Variants in TPP2 observed in about 807,000 individuals in gnomAD.
TPP2 encodes the protein tripeptidyl-peptidase 2.
In TPP2, 34 loss-of-function variants were observed where a neutral mutation model predicts 155.9. That is an observed-to-expected ratio of 0.22 (90% CI 0.17 to 0.29). TPP2 has a LOEUF of 0.29. Among genes scored for constraint, TPP2 ranks in the 10% least tolerant of loss-of-function variants. TPP2 has a pLI of 1.00. For synonymous variants in TPP2, 510 were observed against 529.4 expected, an observed-to-expected ratio of 0.96 and a Z score of 0.50; for missense variants, 1,028 against 1,522.3, an observed-to-expected ratio of 0.68 and a Z score of 5.40.
intron 24 of TPP2, among the ~76,000 whole-genome samples, chr13:102,654,439 C>CT (rs1445261101): frequency 6.6e-6 from 1 of 152,048 alleles, no homozygotes; most frequent in Non-Finnish European, 1.5e-5. Flanking sequence ...ACTAGGATAT[C>CT]TTTTTTCCCA....
At chr13:102,651,506 C>T in intron 24 of TPP2, 109 bp downstream of exon 24, 1 of 1,163,530 alleles carries the variant, frequency 8.6e-7, no homozygotes, top group Non-Finnish European at 1.2e-6. Flanking sequence ...CCTTAGTTTC[C>T]TTTCTTTGCA....
intron 2 of TPP2, among the ~76,000 whole-genome samples, chr13:102,612,727 A>G (rs1203496082): frequency 6.6e-6 from 1 of 152,218 alleles, no homozygotes; most frequent in East Asian, 1.9e-4. Flanking sequence ...ATCTGGTTCC[A>G]TGGACCGTGC....
At chr13:102,634,597 G>A (rs532883435) in intron 11 of TPP2, among the ~76,000 whole-genome samples, 8 of 152,038 alleles carry the variant, frequency 5.3e-5, no homozygotes, top group East Asian at 3.9e-4. Context: ...CCTCAGAAAC[G>A]TCCCTCTTTA....
chr13:102,604,802 G>A lies in TPP2; in HGVS notation c.175G>A (p.Asp59Asn), dbSNP rs1385065437. Residue 59 changes from aspartate (D) to asparagine (N), a missense_variant, in exon 2 of 30, where the codon GAT becomes AAT. Asp to Asn is a conservative substitution (Grantham distance 23). Transcript: ENST00000376052. ...PGAPGMQVTT[D>N]GKPKIVDIID... ...TTTTCTTAATTTTCAGGTTACAACT[G>A]ATGGAAAACCAAAAATCGTTGATAT... The A allele has an allele frequency of 6.2e-7, 1 of 1,610,230 alleles. No individual in the cohort carries two copies. The highest frequency in any genetic ancestry group is 1.3e-5 in the African/African-American group (1 of 74,618).
intron 1 of TPP2, among the ~76,000 whole-genome samples, chr13:102,598,508 T>C (rs763839401): frequency 1.3e-5 from 2 of 152,210 alleles, no homozygotes; most frequent in Non-Finnish European, 2.9e-5. Flanking sequence ...AGGTACTGAA[T>C]TCCCTCCCGG....
rs3831119 is a variant in TPP2 at position 102,643,201 on chromosome 13, CTTCT to C, written c.2021-11_2021-8del. 0.47 allele frequency: 743,233 copies of C among 1,567,408 alleles called. 178,214 individuals carry two copies. The highest frequency in any genetic ancestry group is 0.6 in the African/African-American group (43,144 of 71,986). ...TAGGTCTTATAAGTTTAAAGCTTTG[CTTCT>C]TTCTTTCTTATTTTAGAAGTGACAG... is the stretch of plus-strand genomic sequence containing the variant. On this transcript the variant is annotated splice_polypyrimidine_tract_variant and intron_variant, in intron 16 of 29. Transcript: ENST00000376052.
chr13:102,650,314 G>C (rs540776774), intron 23 of TPP2, among the ~76,000 whole-genome samples: 1 of 152,084 alleles, frequency 6.6e-6, no homozygotes, highest in Non-Finnish European at 1.5e-5. Context: ...CATAAATGCT[G>C]TTATCAAAAT....
At chr13:102,651,296 G>T (rs541892600) in intron 23 of TPP2, 63 bp from the exon 24 acceptor site, 3 of 1,512,076 alleles carry the variant, frequency 2.0e-6, no homozygotes, top group South Asian at 2.5e-5. Context: ...TTAGACAGAG[G>T]TTCTGTCTCC....
chr13:102,646,271 G>C, intron 19 of TPP2, 23 bp from the exon 20 acceptor site: 1 of 1,589,094 alleles, frequency 6.3e-7, no homozygotes, highest in Non-Finnish European at 8.6e-7. Context: ...AATCAAACCA[G>C]TTATGTAGTT....
Position 102,664,813 on chromosome 13 carries a change from A to C in TPP2, c.3259A>C (p.Asn1087His). ...DAEKERMKRL[N>H]EIVDAANAVI... ...TCTCCAGGAACGAATGAAAAGACTT[A>C]ATGAAATTGTTGATGCGGCAAATGC... Residue 1087 changes from asparagine (N) to histidine (H), a missense_variant, in exon 27 of 30, where the codon AAT (asparagine) becomes CAT (histidine). By Grantham distance (68) the Asn-to-His change is moderately conservative (BLOSUM62 1). Coordinates refer to ENST00000376052, the MANE Select transcript of TPP2 (RefSeq NM_001330588.2). The C allele has an allele frequency of 2.5e-6, 4 of 1,613,298 alleles. No individual in the cohort carries two copies. Among genetic ancestry groups the C allele is most frequent in the Middle Eastern group, 1.7e-4 (1 of 6,054 alleles).
chr13:102,602,909 G>GT (rs1249060346), intron 1 of TPP2, among the ~76,000 whole-genome samples: 3 of 150,684 alleles, frequency 2.0e-5, no homozygotes, highest in African/African-American at 2.4e-5. Flanking sequence ...TTGTTTTTTT[G>GT]TTTTTTTGTT....
intron 27 of TPP2, among the ~76,000 whole-genome samples, chr13:102,671,446 A>G (rs1884977414): frequency 1.3e-5 from 2 of 152,206 alleles, no homozygotes; most frequent in African/African-American, 4.8e-5. Flanking sequence ...TACCTAAATA[A>G]GATTTTGAGA....
intron 21 of TPP2, among the ~76,000 whole-genome samples, chr13:102,647,944 CAAAT>C (rs1027250349): frequency 7.9e-5 from 12 of 152,020 alleles, no homozygotes; most frequent in African/African-American, 2.9e-4. Flanking sequence ...TTTATGTTGA[CAAAT>C]GAAAATAATT....
chr13:102,630,346 CAG>C (rs1881938430), intron 10 of TPP2, 151 bp downstream of exon 10: 1 of 544,544 alleles, frequency 1.8e-6, no homozygotes, highest in African/African-American at 1.9e-5. Flanking sequence ...AGTCTCATCT[CAG>C]GGACAGATAA....
intron 16 of TPP2, 108 bp downstream of exon 16, chr13:102,640,484 T>C (rs931018206): frequency 1.2e-6 from 1 of 843,076 alleles, no homozygotes; most frequent in Non-Finnish European, 1.9e-6. Flanking sequence ...GGTACTAATA[T>C]ATGTATTTGG....
chr13:102,646,442 T>G, intron 20 of TPP2, 52 bp downstream of exon 20: 1 of 1,428,496 alleles, frequency 7.0e-7, no homozygotes, highest in South Asian at 1.2e-5. Flanking sequence ...TTGTGTTTTA[T>G]TTATGATTCA....
rs1885510477 is a variant in TPP2, at chr13:102,679,680, C to T, written c.*1364C>T. On this transcript the variant is annotated 3_prime_UTR_variant, in exon 30 of 30. Coordinates refer to ENST00000376052, the MANE Select transcript of TPP2 (RefSeq NM_001330588.2). ...TCCATGAAAGCTACATGCATGTTCT[C>T]TCTCACACACTCATGGACTTTCACC... 6.6e-6 allele frequency: 1 copy of T among 152,244 alleles called. No homozygotes were observed. The highest frequency in any genetic ancestry group is 1.5e-5 in the Non-Finnish European group (1 of 68,054). 9.4% of individuals were successfully genotyped at this position (152,244 alleles called of 1,614,324 possible).
At chr13:102,606,832 C>T (rs979706056) in intron 2 of TPP2, among the ~76,000 whole-genome samples, 4 of 152,220 alleles carry the variant, frequency 2.6e-5, no homozygotes, top group Admixed American at 6.5e-5. Flanking sequence ...GGTTCTACTT[C>T]CTTTTCTGTG....
intron 19 of TPP2, among the ~76,000 whole-genome samples, chr13:102,645,357 T>C (rs1883034209): frequency 6.6e-6 from 1 of 152,248 alleles, no homozygotes; most frequent in Non-Finnish European, 1.5e-5. Flanking sequence ...GCAATACCAT[T>C]AGAAACTGTT....
Sources: allele counts gnomAD v4.1 joint callset (sites outside exome capture counted in the v4.1 genomes callset), GRCh38; gene constraint gnomAD v4.1.1; transcripts MANE v1.5; gene names NCBI Gene and HGNC (gene_info 2026-07-23, HGNC 2026-07-21).